CLEC4C: variants seen among roughly 807,000 people sequenced by gnomAD.
CLEC4C encodes the protein C-type lectin domain family 4 member C, also known as C-type (calcium dependent, carbohydrate-recognition domain) lectin, superfamily member 11.
In CLEC4C, 17 loss-of-function variants were observed where a neutral mutation model predicts 27.7. The observed-to-expected ratio is 0.61, with a 90% CI of 0.42 to 0.92. CLEC4C has a LOEUF of 0.92. CLEC4C is among the 40% of genes least tolerant of loss of function. The pLI, the probability that CLEC4C is intolerant of heterozygous loss-of-function variation, is 0.00. For synonymous variants in CLEC4C, 80 were observed against 80.8 expected (o/e 0.99, Z 0.06); for missense variants, 244 against 257.3 (o/e 0.95, Z 0.35).
chr12:7,744,068 G>A (rs1016405635), intron 2 of CLEC4C, among the ~76,000 whole-genome samples: 18 of 152,202 alleles, frequency 1.2e-4, no homozygotes, highest in East Asian at 3.9e-4. Flanking sequence ...TTATTCCTTC[G>A]AGGAGGGTGC....
At chr12:7,737,611 CAG>C in intron 3 of CLEC4C, 37 bp from the exon 4 acceptor site, 7 of 1,583,438 alleles carry the variant, frequency 4.4e-6, no homozygotes, top group Non-Finnish European at 5.2e-6. Flanking sequence ...AAAATATTAA[CAG>C]AGAATTCTCC....
At chr12:7,741,912 T>A (rs185231638) in intron 2 of CLEC4C, among the ~76,000 whole-genome samples, 1 of 152,106 alleles carries the variant, frequency 6.6e-6, no homozygotes, top group Non-Finnish European at 1.5e-5. Flanking sequence ...TCCGAGCTAC[T>A]TGGGAGGCTG....
chr12:7,746,579 A>C (rs1052461308), intron 1 of CLEC4C, among the ~76,000 whole-genome samples, 156 bp from the exon 2 acceptor site: 1 of 152,232 alleles, frequency 6.6e-6, no homozygotes, highest in African/African-American at 2.4e-5. Context: ...TATAGAAATT[A>C]TCTCAGAACA....
At chr12:7,747,234 A>G in intron 1 of CLEC4C, 84 bp downstream of exon 1, 17 of 1,194,264 alleles carry the variant, frequency 1.4e-5, no homozygotes, top group Non-Finnish European at 2.1e-5. Context: ...CTTCTTCCAA[A>G]GTCATCCCTA....
intron 4 of CLEC4C, among the ~76,000 whole-genome samples, chr12:7,736,054 T>G (rs1279760263): frequency 6.6e-6 from 1 of 151,462 alleles, no homozygotes; most frequent in Non-Finnish European, 1.5e-5. Flanking sequence ...GAGGCCGAGG[T>G]GGGTGGATCA....
intron 4 of CLEC4C, among the ~76,000 whole-genome samples, chr12:7,732,274 C>A (rs1864613226): frequency 1.3e-5 from 2 of 152,062 alleles, no homozygotes; most frequent in African/African-American, 4.8e-5. Flanking sequence ...AGTTGATTTG[C>A]CTGCCTAGGC....
At chr12:7,745,686 G>A (rs1226478998) in intron 2 of CLEC4C, among the ~76,000 whole-genome samples, 1 of 151,378 alleles carries the variant, frequency 6.6e-6, no homozygotes, top group Non-Finnish European at 1.5e-5. Context: ...GCCTGCCTTG[G>A]CCTCCCGAAG....
chr12:7,737,861 A>G (rs986816876), intron 3 of CLEC4C, among the ~76,000 whole-genome samples: 3 of 152,302 alleles, frequency 2.0e-5, no homozygotes, highest in African/African-American at 7.2e-5. Flanking sequence ...TACGAAAGCA[A>G]CCACTGGCAA....
chr12:7,737,815 G>A (rs1030041800), intron 3 of CLEC4C, among the ~76,000 whole-genome samples: 1 of 152,030 alleles, frequency 6.6e-6, no homozygotes, highest in Non-Finnish European at 1.5e-5. Flanking sequence ...TGGGCCATAC[G>A]GTTTCTGTTG....
chr12:7,749,085 T>C (rs1565465941), upstream of CLEC4C: 1 of 152,230 alleles, frequency 6.6e-6, no homozygotes, highest in Non-Finnish European at 1.5e-5. Context: ...CAGATAAGAC[T>C]GACAGCAGTT....
At chr12:7,745,462 T>TCA (rs1434238561) in intron 2 of CLEC4C, among the ~76,000 whole-genome samples, 1 of 123,566 alleles carries the variant, frequency 8.1e-6, no homozygotes, top group Non-Finnish European at 1.6e-5. Flanking sequence ...AGACAGAGTC[T>TCA]CACTCTGTCA....
intron 5 of CLEC4C, among the ~76,000 whole-genome samples, chr12:7,729,987 A>G (rs1864557931): frequency 6.6e-6 from 1 of 152,188 alleles, no homozygotes; most frequent in Non-Finnish European, 1.5e-5. Flanking sequence ...AATCAACTCA[A>G]GCATATGTTG....
chr12:7,742,692 C>G (rs781395899), intron 2 of CLEC4C, among the ~76,000 whole-genome samples: 1 of 150,974 alleles, frequency 6.6e-6, no homozygotes, highest in African/African-American at 2.4e-5. Context: ...GTCTATTAAT[C>G]CCAGCTACTC....
At chr12:7,731,254 G>A (rs113542900) in intron 4 of CLEC4C, among the ~76,000 whole-genome samples, 20,362 of 151,946 alleles carry the variant, frequency 0.13, 1,521 homozygotes, top group South Asian at 0.27. Flanking sequence ...TATGCCTGCA[G>A]CTGCACAAAG....
At chr12:7,741,974 C>A (rs7296264) in intron 2 of CLEC4C, among the ~76,000 whole-genome samples, 1 of 151,554 alleles carries the variant, frequency 6.6e-6, no homozygotes, top group East Asian at 2.0e-4. Flanking sequence ...TGAGCCGAGA[C>A]CGCGCCATTG....
chr12:7,742,683 T>TAC, intron 2 of CLEC4C, among the ~76,000 whole-genome samples: 2 of 149,070 alleles, frequency 1.3e-5, no homozygotes, highest in African/African-American at 5.0e-5. Context: ...GTGACACGTG[T>TAC]CTATTAATCC....
intron 4 of CLEC4C, among the ~76,000 whole-genome samples, chr12:7,731,640 G>A (rs1321729681): frequency 1.3e-5 from 2 of 152,120 alleles, no homozygotes; most frequent in African/African-American, 2.4e-5. Context: ...GAGCAGGGCT[G>A]GATCAAAGAC....
rs147489894 is a variant in CLEC4C at position 7,746,912 on chromosome 12, C to T, written c.31+406G>A. Among the ~76,000 whole-genome samples the T allele has an allele frequency of 2.6e-3, 389 of 152,308 alleles. 1 individual carries two copies. The highest frequency in any genetic ancestry group is 8.8e-3 in the African/African-American group (365 of 41,562). On this transcript the variant is annotated intron_variant, in intron 1 of 5. Coordinates refer to ENST00000360345, the MANE Select transcript of CLEC4C (RefSeq NM_001371390.1). ...CGATCTCGGCTCACTGCAACCTCCG[C>T]CTCCCAGGTTCAAGTGATTCTCCTG... is the stretch of plus-strand genomic sequence containing the variant.
rs930502364 is a variant in CLEC4C, at chr12:7,731,552, A to C, written c.382-640T>G. Among the ~76,000 whole-genome samples, 5 of 152,118 alleles carry C rather than the reference A, an allele frequency of 3.3e-5. No homozygotes were observed. The East Asian group carries it at 9.6e-4, about 29-fold the overall frequency. On this transcript the variant is annotated intron_variant, in intron 4 of 5. Transcript: ENST00000360345. ...CAAGTTGAACTGAGTTCTTACCGCC[A>C]TAGGAAGAAAAGAATAAAAGGAGAA...
Sources: gnomAD v4.1 joint callset for allele counts (sites outside exome capture counted in the v4.1 genomes callset) on GRCh38, gnomAD v4.1.1 for gene constraint, MANE v1.5 for transcripts, NCBI Gene and HGNC (gene_info 2026-07-23, HGNC 2026-07-21) for gene names.